USH2A: variants seen among roughly 807,000 people sequenced by gnomAD.
The protein encoded by USH2A is usherin.
USH2A carries 443 observed loss-of-function variants against 538.9 expected under a neutral mutation model. That is an observed-to-expected ratio of 0.82 (90% CI 0.76 to 0.89). The LOEUF is 0.89. Among genes scored for constraint, USH2A ranks in the 40% least tolerant of loss-of-function variants. USH2A has a pLI of 0.00. For synonymous variants in USH2A, 2,413 were observed against 2,273.5 expected (o/e 1.06, Z -1.75); for missense variants, 6,633 against 6,324.8 (o/e 1.05, Z -1.65).
intron 47 of USH2A, among the ~76,000 whole-genome samples, chr1:215,833,176 A>G (rs185558579): frequency 2.8e-4 from 43 of 152,082 alleles, no homozygotes; most frequent in African/African-American, 9.6e-4. Flanking sequence ...TCAAAATCAC[A>G]TGTTTTGTAG....
At chr1:215,940,530 G>C (rs11120699) in intron 37 of USH2A, among the ~76,000 whole-genome samples, 1 of 151,658 alleles carries the variant, frequency 6.6e-6, no homozygotes, top group African/African-American at 2.4e-5. Flanking sequence ...TCTGAAAGGT[G>C]CTGAGTATTT....
chr1:216,417,265 T>TAA (rs10707482), intron 3 of USH2A, among the ~76,000 whole-genome samples: 3 of 135,056 alleles, frequency 2.2e-5, no homozygotes, highest in Non-Finnish European at 4.9e-5. Flanking sequence ...GCTTCAAGAT[T>TAA]AAAAAAAAAA....
intron 37 of USH2A, among the ~76,000 whole-genome samples, chr1:215,956,065 T>C (rs592462): frequency 0.85 from 129,173 of 152,120 alleles, 54,991 homozygotes; most frequent in East Asian, 0.98. Flanking sequence ...TCCATTCTTC[T>C]GTTTCCCTCT....
In USH2A at chr1:216,365,122, T is replaced by C. The variant is rs1453723789; in HGVS notation, c.652-37A>G. 3 of 1,589,652 alleles carry C rather than the reference T, an allele frequency of 1.9e-6. No individual in the cohort carries two copies. The Admixed American group carries it at 5.4e-5, about 29-fold the overall frequency. ...TACCACCATTATTAGTTTAAGTGCA[T>C]AAACTTTTATTTTATATTAAACACA... On this transcript the variant is annotated intron_variant, in intron 3 of 71. Coordinates refer to ENST00000307340, the MANE Select transcript of USH2A (RefSeq NM_206933.4).
In USH2A at chr1:215,634,426, T is replaced by G. The variant is rs373403964; in HGVS notation, c.15297+33A>C. 5.0e-6 allele frequency: 8 copies of G among 1,613,940 alleles called. No individual in the cohort carries two copies. The East Asian group carries it at 1.8e-4, about 36-fold the overall frequency. On this transcript the variant is annotated intron_variant, in intron 70 of 71. Coordinates refer to ENST00000307340, the MANE Select transcript of USH2A (RefSeq NM_206933.4). Reference sequence around the variant, plus strand: ...GAAAACAAGTATTCTAGTCCAGTGATAGGGAAATGGGGCCACACCTCTACA... The same window carrying G: ...GAAAACAAGTATTCTAGTCCAGTGAGAGGGAAATGGGGCCACACCTCTACA...
chr1:216,031,056 T>G (rs1026537356), intron 32 of USH2A, among the ~76,000 whole-genome samples: 2 of 152,044 alleles, frequency 1.3e-5, no homozygotes, highest in Non-Finnish European at 2.9e-5. Flanking sequence ...TACTGGGCAT[T>G]TCTCTATATC....
chr1:216,046,006 G>GGTGT (rs59426829), intron 32 of USH2A, among the ~76,000 whole-genome samples: 12,891 of 137,564 alleles, frequency 0.094, 655 homozygotes, highest in Admixed American at 0.11. Flanking sequence ...CTATTTATCT[G>GGTGT]GTGTGTGTGT....
chr1:216,135,948 A>G (rs180747027), intron 21 of USH2A, among the ~76,000 whole-genome samples: 1 of 152,050 alleles, frequency 6.6e-6, no homozygotes, highest in Non-Finnish European at 1.5e-5. Flanking sequence ...TTAAAAGTAT[A>G]TATATATATA....
At chr1:216,325,130 G>A (rs929787712) in intron 6 of USH2A, among the ~76,000 whole-genome samples, 175 bp downstream of exon 6, 2 of 152,134 alleles carry the variant, frequency 1.3e-5, no homozygotes, top group Non-Finnish European at 2.9e-5. Context: ...ATGGCAAGGA[G>A]GGATCCTCCT....
chr1:216,201,192 C>T (rs1005121932), intron 16 of USH2A, among the ~76,000 whole-genome samples: 2 of 151,744 alleles, frequency 1.3e-5, no homozygotes, highest in African/African-American at 4.8e-5. Flanking sequence ...TGCTCTCCCC[C>T]AGCCTATCCC....
At chr1:215,688,630 C>A (rs1451871980) in intron 61 of USH2A, among the ~76,000 whole-genome samples, 1 of 152,126 alleles carries the variant, frequency 6.6e-6, no homozygotes, top group African/African-American at 2.4e-5. Context: ...AGCCTCTCTT[C>A]TGGCTTATAG....
At position 216,300,112 on chromosome 1, in the gene USH2A, G is replaced by A. The variant is rs780942160; in HGVS notation, c.1645-7742C>T. 2.0e-5 allele frequency among the ~76,000 whole-genome samples: 3 copies of A among 152,128 alleles called. No individual in the cohort carries two copies. In the South Asian group the frequency reaches 6.2e-4, roughly 31 times the overall value. ...TTTCAGATAATACAAGGATAACCAT[G>A]ACAAAATGGAAGAAATAATAATTGG... is the stretch of plus-strand genomic sequence containing the variant. On this transcript the variant is annotated intron_variant, in intron 9 of 71. Transcript: ENST00000307340.
chr1:216,261,506 T>A (rs544597578), intron 11 of USH2A, among the ~76,000 whole-genome samples: 14 of 140,904 alleles, frequency 9.9e-5, no homozygotes, highest in African/African-American at 3.7e-4. Context: ...AAGAGAAAGA[T>A]AAGAAAATAC....
intron 27 of USH2A, among the ~76,000 whole-genome samples, chr1:216,074,934 A>G (rs1342880469): frequency 2.0e-5 from 3 of 152,186 alleles, no homozygotes; most frequent in Non-Finnish European, 2.9e-5. Context: ...GATGGTGGTG[A>G]TATCTGCAAA....
intron 30 of USH2A, among the ~76,000 whole-genome samples, chr1:216,053,929 G>A (rs533319493): frequency 1.3e-5 from 2 of 152,244 alleles, no homozygotes; most frequent in East Asian, 1.9e-4. Context: ...ACTCATCACC[G>A]TAGATAGGTT....
intron 61 of USH2A, among the ~76,000 whole-genome samples, chr1:215,722,452 A>C (rs561816726): frequency 3.9e-5 from 6 of 152,366 alleles, no homozygotes; most frequent in African/African-American, 4.8e-5. Flanking sequence ...TGGGATTAAA[A>C]ATAAATTTAT....
At chr1:216,170,283 C>T (rs892123801) in intron 21 of USH2A, among the ~76,000 whole-genome samples, 4 of 151,910 alleles carry the variant, frequency 2.6e-5, no homozygotes, top group African/African-American at 9.7e-5. Flanking sequence ...TAATTAATTG[C>T]ATTTCGTATT....
chr1:216,081,750 CTTTTTA>C (rs1206358616), intron 26 of USH2A, among the ~76,000 whole-genome samples: 11 of 151,804 alleles, frequency 7.2e-5, no homozygotes, highest in Non-Finnish European at 1.0e-4. Context: ...GTCTGGCTAA[CTTTTTA>C]TTTTTATTTT....
chr1:216,324,780 A>G (rs1303710183), intron 6 of USH2A, among the ~76,000 whole-genome samples: 2 of 152,180 alleles, frequency 1.3e-5, no homozygotes, highest in African/African-American at 4.8e-5. Context: ...TTTTTATTGT[A>G]TACATTATAA....
Sources: gnomAD v4.1 joint callset for allele counts (sites outside exome capture counted in the v4.1 genomes callset) on GRCh38, gnomAD v4.1.1 for gene constraint, MANE v1.5 for transcripts, NCBI Gene and HGNC (gene_info 2026-07-23, HGNC 2026-07-21) for gene names.